Variants in KCNH8 observed in about 807,000 individuals in gnomAD.
KCNH8 encodes potassium voltage-gated channel subfamily H member 8.
A neutral mutation model predicts 103.6 loss-of-function variants in KCNH8; 70 were observed. The observed-to-expected ratio is 0.68, with a 90% CI of 0.56 to 0.82. The LOEUF (loss-of-function observed/expected upper bound fraction) is 0.82. KCNH8 is among the 40% of genes least tolerant of loss of function. The probability of loss-of-function intolerance (pLI) is 0.00; values close to 1 mark genes in which losing one functional copy is unlikely to be tolerated. For synonymous variants in KCNH8, 498 were observed against 489.4 expected (o/e 1.02, Z -0.23); for missense variants, 1,217 against 1,329.9 (o/e 0.92, Z 1.32).
At chr3:19,154,425 T>A (rs764370933) in intron 1 of KCNH8, among the ~76,000 whole-genome samples, 1 of 152,164 alleles carries the variant, frequency 6.6e-6, no homozygotes, top group Non-Finnish European at 1.5e-5. Flanking sequence ...AAGTGATAGA[T>A]CCATATTTTG....
intron 7 of KCNH8, among the ~76,000 whole-genome samples, chr3:19,395,672 G>T (rs894124175): frequency 6.6e-6 from 1 of 151,918 alleles, no homozygotes; most frequent in Non-Finnish European, 1.5e-5. Flanking sequence ...CTATCACTAC[G>T]ATAACTTAAC....
chr3:19,527,914 G>A (rs1035015617), intron 15 of KCNH8, among the ~76,000 whole-genome samples: 5 of 152,072 alleles, frequency 3.3e-5, no homozygotes, highest in African/African-American at 1.2e-4. Flanking sequence ...TGTACCACTT[G>A]GAAGCACAGA....
intron 3 of KCNH8, among the ~76,000 whole-genome samples, chr3:19,305,722 C>T (rs1425459666): frequency 6.6e-6 from 1 of 151,776 alleles, no homozygotes; most frequent in Non-Finnish European, 1.5e-5. Flanking sequence ...TTGTTAACTC[C>T]AAAGAAAACA....
intron 2 of KCNH8, among the ~76,000 whole-genome samples, chr3:19,255,434 T>C (rs1306931393): frequency 6.6e-6 from 1 of 152,154 alleles, no homozygotes; most frequent in Non-Finnish European, 1.5e-5. Flanking sequence ...ATGTCCTCTT[T>C]TCCTATTTGA....
At chr3:19,201,848 A>G (rs1272845441) in intron 1 of KCNH8, among the ~76,000 whole-genome samples, 2 of 152,158 alleles carry the variant, frequency 1.3e-5, no homozygotes, top group African/African-American at 4.8e-5. Flanking sequence ...ATTAATACTT[A>G]TGTTATTACT....
chr3:19,171,189 A>AT (rs1256098412), intron 1 of KCNH8, among the ~76,000 whole-genome samples: 7 of 152,112 alleles, frequency 4.6e-5, no homozygotes, highest in South Asian at 2.1e-4. Context: ...TCACTTATAT[A>AT]TTTTTTGTAA....
At chr3:19,495,879 C>T (rs977290318) in intron 11 of KCNH8, among the ~76,000 whole-genome samples, 2 of 151,998 alleles carry the variant, frequency 1.3e-5, no homozygotes, top group African/African-American at 2.4e-5. Flanking sequence ...TTTCCTTGAG[C>T]GGTGTTTTAT....
chr3:19,322,573 A>G (rs377224035), intron 3 of KCNH8, among the ~76,000 whole-genome samples: 1 of 152,070 alleles, frequency 6.6e-6, no homozygotes, highest in East Asian at 1.9e-4. Context: ...TGTTAATCTG[A>G]TAGGTTTTCT....
chr3:19,390,356 C>T, intron 5 of KCNH8, 125 bp from the exon 6 acceptor site: 2 of 680,240 alleles, frequency 2.9e-6, no homozygotes, highest in African/African-American at 1.8e-5. Context: ...TTTCTTCCTC[C>T]CTTCCTTCCT....
At chr3:19,469,948 A>C (rs965767889) in intron 11 of KCNH8, among the ~76,000 whole-genome samples, 17 of 152,146 alleles carry the variant, frequency 1.1e-4, no homozygotes, top group Non-Finnish European at 1.6e-4. Context: ...CTGGAGTCCA[A>C]GGTCATGTTC....
intron 5 of KCNH8, among the ~76,000 whole-genome samples, chr3:19,360,029 A>C (rs1051555174): frequency 1.3e-5 from 2 of 152,032 alleles, no homozygotes; most frequent in African/African-American, 4.8e-5. Flanking sequence ...TATAAGAGTT[A>C]AGTGATTACT....
chr3:19,474,192 T>C (rs2067922059), intron 11 of KCNH8, among the ~76,000 whole-genome samples: 1 of 152,176 alleles, frequency 6.6e-6, no homozygotes. Context: ...TGATGGAAAT[T>C]AAATTTAAAT....
chr3:19,383,908 T>C (rs1174811616), intron 5 of KCNH8, among the ~76,000 whole-genome samples: 2 of 152,146 alleles, frequency 1.3e-5, no homozygotes, highest in South Asian at 2.1e-4. Context: ...TAAGGTTTTT[T>C]CAGTATGTTT....
chr3:19,503,142 G>T (rs1157903560), intron 11 of KCNH8, among the ~76,000 whole-genome samples: 1,121 of 120,532 alleles, frequency 9.3e-3, no homozygotes, highest in African/African-American at 0.017. Flanking sequence ...CTTCTCAAAA[G>T]AAGACATTTA....
chr3:19,356,019 A>C (rs183063246), intron 5 of KCNH8, among the ~76,000 whole-genome samples: 45 of 152,012 alleles, frequency 3.0e-4, no homozygotes, highest in African/African-American at 1.0e-3. Context: ...CAATTGTTAA[A>C]AAGTAGTACA....
chr3:19,156,249 G>A (rs938560626), intron 1 of KCNH8, among the ~76,000 whole-genome samples: 2 of 152,138 alleles, frequency 1.3e-5, no homozygotes, highest in African/African-American at 4.8e-5. Flanking sequence ...ACCCAGCAAG[G>A]TGGAAGGCAG....
At chr3:19,264,775 G>T (rs945869057) in intron 2 of KCNH8, among the ~76,000 whole-genome samples, 5 of 152,102 alleles carry the variant, frequency 3.3e-5, no homozygotes, top group Non-Finnish European at 7.4e-5. Flanking sequence ...TGCCTGTGTT[G>T]TTGCTTCAAT....
At chr3:19,510,929 C>A (rs6549942) in intron 12 of KCNH8, among the ~76,000 whole-genome samples, 151,126 of 152,354 alleles carry the variant, frequency 0.99, 74,961 homozygotes, top group Middle Eastern at 1. Flanking sequence ...ATTAAATTAC[C>A]TAATGCATTA....
At chr3:19,228,631 A>T (rs2063958872) in intron 1 of KCNH8, among the ~76,000 whole-genome samples, 1 of 152,210 alleles carries the variant, frequency 6.6e-6, no homozygotes, top group Admixed American at 6.5e-5. Flanking sequence ...TGATTCATTT[A>T]AAAAATGTAT....
Sources: allele counts gnomAD v4.1 joint callset (sites outside exome capture counted in the v4.1 genomes callset), GRCh38; gene constraint gnomAD v4.1.1; transcripts MANE v1.5; gene names NCBI Gene and HGNC (gene_info 2026-07-23, HGNC 2026-07-21).